The following SIRT5 variants were observed in gnomAD, a reference collection of about 807,000 sequenced individuals.
SIRT5 encodes the protein NAD-dependent protein deacylase sirtuin-5, mitochondrial.
SIRT5 carries 26 observed loss-of-function variants against 40.0 expected under a neutral mutation model. That is an observed-to-expected ratio of 0.65 (90% CI 0.48 to 0.90). SIRT5 has a LOEUF of 0.90. SIRT5 is among the 40% of genes least tolerant of loss of function. SIRT5 has a pLI of 0.00. For missense variants in SIRT5, 401 were observed against 402.4 expected (o/e 1.00, Z 0.03); for synonymous variants, 146 against 149.1 (o/e 0.98, Z 0.15).
intron 9 of SIRT5, among the ~76,000 whole-genome samples, chr6:13,608,551 A>G (rs1489658816): frequency 1.3e-5 from 2 of 151,096 alleles, no homozygotes; most frequent in African/African-American, 2.4e-5. Context: ...GTGCCACTGC[A>G]CTCCGGCCTG....
rs189059980 is a variant in SIRT5 at position 13,606,838 on chromosome 6, C to T, written c.858-4952C>T. ...CTGGGATTACAGGCGTGCACCACCA[C>T]ACCTGGCTAATTTTTGTATTTTTAG... is the stretch of plus-strand genomic sequence containing the variant. On this transcript the variant is annotated intron_variant, in intron 9 of 9. Coordinates refer to ENST00000606117, the MANE Select transcript of SIRT5 (RefSeq NM_012241.5). Among the ~76,000 whole-genome samples, 37 of 152,212 alleles carry T rather than the reference C, an allele frequency of 2.4e-4. No homozygotes were observed. The East Asian group carries it at 6.2e-3, about 26-fold the overall frequency.
intron 2 of SIRT5, among the ~76,000 whole-genome samples, chr6:13,580,973 G>A (rs1439733024): frequency 6.6e-6 from 1 of 151,898 alleles, no homozygotes; most frequent in Admixed American, 6.6e-5. Flanking sequence ...TTTTTTTCTT[G>A]TTGTGAAGCA....
In SIRT5 at chr6:13,587,876, G is replaced by A. The variant is rs527534261; in HGVS notation, c.116-455G>A. On this transcript the variant is annotated intron_variant, in intron 3 of 9. Coordinates refer to ENST00000606117, the MANE Select transcript of SIRT5 (RefSeq NM_012241.5). ...GGGAAGGTGAACTGGGGGAGGAAGG[G>A]TAGGCTTTGGGGTCCAGTGGGCCTC... is the stretch of plus-strand genomic sequence containing the variant. Among the ~76,000 whole-genome samples, 9 of 152,344 alleles carry A rather than the reference G, an allele frequency of 5.9e-5. No homozygotes were observed. The East Asian group carries it at 7.7e-4, about 13-fold the overall frequency.
intron 4 of SIRT5, among the ~76,000 whole-genome samples, chr6:13,589,810 G>A (rs1332041901): frequency 6.6e-6 from 1 of 152,202 alleles, no homozygotes; most frequent in East Asian, 1.9e-4. Context: ...AGAGGGTGCG[G>A]GAGGAGCTCG....
At chr6:13,584,808 G>A (rs1479810456) in intron 3 of SIRT5, among the ~76,000 whole-genome samples, 1 of 152,190 alleles carries the variant, frequency 6.6e-6, no homozygotes, top group South Asian at 2.1e-4. Flanking sequence ...CTCTGCAGGG[G>A]AGGAAAACTG....
At chr6:13,601,110 C>T (rs910817087) in intron 9 of SIRT5, among the ~76,000 whole-genome samples, 161 bp downstream of exon 9, 1 of 152,182 alleles carries the variant, frequency 6.6e-6, no homozygotes, top group Non-Finnish European at 1.5e-5. Context: ...AAATCATTCA[C>T]TGTAGACTAA....
chr6:13,605,588 A>T, intron 9 of SIRT5: 1 of 985,436 alleles, frequency 1.0e-6, no homozygotes, highest in Non-Finnish European at 1.2e-6. Flanking sequence ...AAGGCATAGA[A>T]TTCTCCTCCC....
intron 2 of SIRT5, among the ~76,000 whole-genome samples, chr6:13,581,542 TAG>T (rs1432342656): frequency 1.3e-5 from 2 of 152,250 alleles, no homozygotes; most frequent in Non-Finnish European, 2.9e-5. Context: ...TTTTCTACTA[TAG>T]AGTTATTATT....
intron 9 of SIRT5, among the ~76,000 whole-genome samples, chr6:13,608,541 G>A (rs1763412080): frequency 6.6e-6 from 1 of 151,028 alleles, no homozygotes; most frequent in African/African-American, 2.4e-5. Context: ...AGCCAAGATC[G>A]TGCCACTGCA....
intron 2 of SIRT5, among the ~76,000 whole-genome samples, chr6:13,580,944 T>C (rs2804915): frequency 0.79 from 120,044 of 152,136 alleles, 47,578 homozygotes; most frequent in South Asian, 0.85. Flanking sequence ...TACAGGTGTG[T>C]GCCACCATGG....
intron 2 of SIRT5, among the ~76,000 whole-genome samples, chr6:13,580,765 C>A (rs776503165): frequency 2.0e-5 from 3 of 152,200 alleles, no homozygotes; most frequent in Non-Finnish European, 2.9e-5. Context: ...ACCTTCTGGG[C>A]TCAAGTGATC....
rs1763992561 is a variant in SIRT5 at position 13,612,018 on chromosome 6, G to T, written c.*153G>T. ...ATCCAACCTGTTGATAAGTGATGGGGGTTTAGAAGTAGCAAAGAGCACCCA... is the reference window on the plus strand; with the variant it reads ...ATCCAACCTGTTGATAAGTGATGGGTGTTTAGAAGTAGCAAAGAGCACCCA... On this transcript the variant is annotated 3_prime_UTR_variant, in exon 10 of 10. Transcript: ENST00000606117. 4 of 587,218 alleles carry T rather than the reference G, an allele frequency of 6.8e-6. No homozygotes were observed. In the East Asian group the frequency reaches 1.1e-4, roughly 16 times the overall value. The allele number at this position is 587,218 out of a possible 1,614,324, so 36.4% of individuals were successfully genotyped here.
Position 13,613,260 on chromosome 6 carries a change from CTTAAG to C in SIRT5, c.*1399_*1403del, listed in dbSNP as rs1163773268. ...CATACAGGGTCATTCTCAGGGGATG[CTTAAG>C]TTATTTCTGTCAGGTACATCTTCCA... On this transcript the variant is annotated 3_prime_UTR_variant, in exon 10 of 10. Coordinates refer to ENST00000606117, the MANE Select transcript of SIRT5 (RefSeq NM_012241.5). The C allele has an allele frequency of 2.0e-5, 3 of 152,210 alleles. No homozygotes were observed. Among genetic ancestry groups the C allele is most frequent in the African/African-American group, 2.4e-5 (1 of 41,442 alleles). 9.4% of individuals were successfully genotyped at this position (152,210 alleles called of 1,614,324 possible). A position where few individuals can be genotyped will look rare whatever the true frequency, so the allele number is the denominator to read the frequency against.
chr6:13,593,613 A>G (rs892525141), intron 5 of SIRT5, among the ~76,000 whole-genome samples: 1 of 152,226 alleles, frequency 6.6e-6, no homozygotes. Flanking sequence ...CTTCTAACTT[A>G]GGTTAAAAAA....
chr6:13,591,082 T>C (rs899295273), intron 4 of SIRT5, among the ~76,000 whole-genome samples: 1 of 151,928 alleles, frequency 6.6e-6, no homozygotes, highest in African/African-American at 2.4e-5. Context: ...TGTGTATGTG[T>C]GTGCAGTTGT....
chr6:13,576,163 A>G (rs1204739875), intron 1 of SIRT5, among the ~76,000 whole-genome samples: 1 of 152,216 alleles, frequency 6.6e-6, no homozygotes, highest in East Asian at 1.9e-4. Flanking sequence ...TCCTTTGTAT[A>G]TATACCCAGA....
At chr6:13,604,594 A>G in intron 9 of SIRT5, 1 of 1,541,110 alleles carries the variant, frequency 6.5e-7, no homozygotes, top group East Asian at 2.4e-5. Flanking sequence ...GTATTTCCAC[A>G]ACCCAAGTTT....
intron 9 of SIRT5, among the ~76,000 whole-genome samples, chr6:13,609,102 G>A (rs551685233): frequency 1.3e-5 from 2 of 152,292 alleles, no homozygotes; most frequent in East Asian, 1.9e-4. Flanking sequence ...AATTACAGGC[G>A]TGAGCCACTG....
At chr6:13,579,284 A>T (rs774779681) in intron 1 of SIRT5, among the ~76,000 whole-genome samples, 167 bp from the exon 2 acceptor site, 7 of 152,238 alleles carry the variant, frequency 4.6e-5, no homozygotes, top group African/African-American at 1.2e-4. Context: ...GCAAATAAAG[A>T]CTAAGAAAAT....
Sources: allele counts gnomAD v4.1 joint callset (sites outside exome capture counted in the v4.1 genomes callset), GRCh38; gene constraint gnomAD v4.1.1; transcripts MANE v1.5; gene names NCBI Gene and HGNC (gene_info 2026-07-23, HGNC 2026-07-21).